Variants in AGTPBP1 observed in about 807,000 individuals in gnomAD.
AGTPBP1 encodes the protein cytosolic carboxypeptidase 1.
In AGTPBP1, 70 loss-of-function variants were observed where a neutral mutation model predicts 143.9. The ratio of observed to expected loss-of-function variants is 0.49; its 90% CI spans 0.40 to 0.59. The LOEUF (loss-of-function observed/expected upper bound fraction) is 0.59. AGTPBP1 is among the 20% of genes least tolerant of loss of function. The pLI, the probability that AGTPBP1 is intolerant of heterozygous loss-of-function variation, is 0.00. For missense variants in AGTPBP1, 1,229 were observed against 1,464.5 expected (o/e 0.84, Z 2.62); for synonymous variants, 463 against 500.2 (o/e 0.93, Z 0.99).
At chr9:85,652,258 C>A (rs1460966035) in intron 11 of AGTPBP1, among the ~76,000 whole-genome samples, 1 of 152,158 alleles carries the variant, frequency 6.6e-6, no homozygotes, top group African/African-American at 2.4e-5. Flanking sequence ...CGCCTGTAAT[C>A]CTAGCACTTT....
chr9:85,737,846 G>C (rs1823905630), intron 1 of AGTPBP1, among the ~76,000 whole-genome samples: 1 of 152,082 alleles, frequency 6.6e-6, no homozygotes, highest in Admixed American at 6.6e-5. Context: ...ATCGGAAAAG[G>C]CTATTAAAAT....
chr9:85,767,785 G>C, the AGTPBP1 span, among the ~76,000 whole-genome samples: 1 of 152,166 alleles, frequency 6.6e-6, no homozygotes, highest in Non-Finnish European at 1.5e-5. Flanking sequence ...ACCCTGCTGA[G>C]AACATATAAT....
chr9:85,650,435 T>C (rs781088680), intron 11 of AGTPBP1, among the ~76,000 whole-genome samples: 2 of 152,206 alleles, frequency 1.3e-5, no homozygotes, highest in African/African-American at 4.8e-5. Flanking sequence ...ACAGTAAATA[T>C]GTTTTCTCTT....
chr9:85,772,633 G>C, the AGTPBP1 span, among the ~76,000 whole-genome samples: 4 of 152,050 alleles, frequency 2.6e-5, no homozygotes, highest in African/African-American at 9.7e-5. Flanking sequence ...TGTACCTGTG[G>C]TCCCAGCTAT....
chr9:85,549,563 GA>G (rs1825919906), intron 25 of AGTPBP1, among the ~76,000 whole-genome samples: 1 of 152,164 alleles, frequency 6.6e-6, no homozygotes, highest in South Asian at 2.1e-4. Flanking sequence ...TGAACAAAAG[GA>G]AAGGGTTTAC....
chr9:85,664,002 A>G (rs1025078610), intron 8 of AGTPBP1, among the ~76,000 whole-genome samples: 1 of 152,216 alleles, frequency 6.6e-6, no homozygotes, highest in Non-Finnish European at 1.5e-5. Flanking sequence ...GATATGTGCA[A>G]CATAAGTGAA....
At position 85,647,277 on chromosome 9, in the gene AGTPBP1, C is replaced by CA. The variant is rs1021298928; in HGVS notation, c.1088-860dup. 6.0e-4 allele frequency among the ~76,000 whole-genome samples: 90 copies of CA among 150,146 alleles called. 1 individual carries two copies. Among genetic ancestry groups the CA allele is most frequent in the African/African-American group, 1.6e-3 (66 of 40,882 alleles). On this transcript the variant is annotated intron_variant, in intron 11 of 25. Coordinates refer to ENST00000357081, the MANE Select transcript of AGTPBP1 (RefSeq NM_001330701.2). ...GGGCAACAAGAGCAAAATTCTGTCTCAAAAAAAAAGAAAGTTTATGAATCT... is the reference window on the plus strand; with the variant it reads ...GGGCAACAAGAGCAAAATTCTGTCTCAAAAAAAAAAGAAAGTTTATGAATCT...
intron 12 of AGTPBP1, among the ~76,000 whole-genome samples, chr9:85,643,770 T>A (rs1832643627): frequency 6.6e-6 from 1 of 152,110 alleles, no homozygotes; most frequent in Admixed American, 6.6e-5. Flanking sequence ...AGCTAATGAA[T>A]CCCATGATAA....
intron 2 of AGTPBP1, among the ~76,000 whole-genome samples, chr9:85,699,814 G>A (rs1449804935): frequency 6.6e-6 from 1 of 151,894 alleles, no homozygotes; most frequent in Non-Finnish European, 1.5e-5. Flanking sequence ...TAATTTATGT[G>A]GAATGGATTA....
At chr9:85,715,890 C>A (rs1422971093) in intron 1 of AGTPBP1, among the ~76,000 whole-genome samples, 2 of 152,226 alleles carry the variant, frequency 1.3e-5, no homozygotes, top group Non-Finnish European at 2.9e-5. Context: ...GTGATAAAAA[C>A]TGAGCTCGAA....
chr9:85,650,480 T>C (rs1464325678), intron 11 of AGTPBP1, among the ~76,000 whole-genome samples: 1 of 152,210 alleles, frequency 6.6e-6, no homozygotes, highest in Non-Finnish European at 1.5e-5. Flanking sequence ...TTCTTTTGTC[T>C]AGCTTACTTT....
chr9:85,550,665 A>G (rs1335715089), intron 25 of AGTPBP1, among the ~76,000 whole-genome samples: 1 of 152,174 alleles, frequency 6.6e-6, no homozygotes, highest in Admixed American at 6.5e-5. Flanking sequence ...TAGTCCCATG[A>G]CCGTCTCACG....
intron 14 of AGTPBP1, among the ~76,000 whole-genome samples, chr9:85,623,987 T>C (rs1466122358): frequency 6.6e-6 from 1 of 152,334 alleles, no homozygotes; most frequent in East Asian, 1.9e-4. Flanking sequence ...GAATAATTTA[T>C]GCAGGACTGT....
chr9:85,705,768 G>A (rs540827248), intron 2 of AGTPBP1, among the ~76,000 whole-genome samples: 1 of 152,192 alleles, frequency 6.6e-6, no homozygotes, highest in Non-Finnish European at 1.5e-5. Flanking sequence ...TCGGCTCACT[G>A]CAAGCTCCAC....
rs1333904484 is a variant in AGTPBP1, at chr9:85,741,399, C to T, written c.-34+376G>A. ...GCCCGCCCCCGGCCCTGCAGCCCCT[C>T]GGCTGGACTCCCCGCGGCGCCGCGA... is the stretch of plus-strand genomic sequence containing the variant. On this transcript the variant is annotated intron_variant, in intron 1 of 25. Coordinates refer to ENST00000357081, the MANE Select transcript of AGTPBP1 (RefSeq NM_001330701.2). 21 of 985,274 alleles carry T rather than the reference C, an allele frequency of 2.1e-5. No homozygotes were observed. In the East Asian group the frequency reaches 1.7e-3, roughly 80 times the overall value. 61.0% of individuals were successfully genotyped at this position (985,274 alleles called of 1,614,324 possible). A position where few individuals can be genotyped will look rare whatever the true frequency, so the allele number is the denominator to read the frequency against.
rs1824341414 is a variant in AGTPBP1, at chr9:85,741,941, A to C, written c.-200T>G. ...GCGGCAGCTGCGGCGGCGGCGCTGG[A>C]GGCGGCGGAACCTGTCCGCATCCCG... On this transcript the variant is annotated 5_prime_UTR_variant, in exon 1 of 26. Transcript: ENST00000357081. The C allele has an allele frequency of 7.7e-7, 1 of 1,304,392 alleles. No homozygotes were observed. Among genetic ancestry groups the C allele is most frequent in the South Asian group, 2.2e-5 (1 of 45,742 alleles). 80.8% of individuals were successfully genotyped at this position (1,304,392 alleles called of 1,614,324 possible).
intron 3 of AGTPBP1, 81 bp from the exon 4 acceptor site, chr9:85,681,416 A>T (rs1363133323): frequency 1.1e-5 from 13 of 1,154,590 alleles, no homozygotes; most frequent in Non-Finnish European, 1.6e-5. Flanking sequence ...GCTAATAAAG[A>T]TTCAACAAGT....
chr9:85,586,848 C>A lies in AGTPBP1; in HGVS notation c.3016G>T (p.Val1006Leu), dbSNP rs1828643589. 1 of 1,613,838 alleles carries A rather than the reference C, an allele frequency of 6.2e-7. No homozygotes were observed. The highest frequency in any genetic ancestry group is 1.1e-5 in the South Asian group (1 of 91,064). The change falls in exon 22 of 26, where the codon GTG becomes TTG. Residue 1006 changes from valine to leucine, a missense_variant. Val to Leu is a conservative substitution (Grantham distance 32). Coordinates refer to ENST00000357081, the MANE Select transcript of AGTPBP1 (RefSeq NM_001330701.2). ...CTACTTACCAAGGGTAAACGCTTCA[C>A]TGCAGCCAAGTATTGCAACAGCCCC... is the stretch of plus-strand genomic sequence containing the variant. ...AKGLLQYLAA[V>L]KRLPLVYCDY... is the part of the protein sequence containing the mutation.
the AGTPBP1 span, among the ~76,000 whole-genome samples, chr9:85,779,260 A>AAT: frequency 6.8e-6 from 1 of 146,960 alleles, no homozygotes; most frequent in South Asian, 2.1e-4. Flanking sequence ...TATAAATATA[A>AAT]ATATATATAG....
Sources: gnomAD v4.1 joint callset for allele counts (sites outside exome capture counted in the v4.1 genomes callset) on GRCh38, gnomAD v4.1.1 for gene constraint, MANE v1.5 for transcripts, NCBI Gene and HGNC (gene_info 2026-07-23, HGNC 2026-07-21) for gene names.